CSMD1: variants seen among roughly 807,000 people sequenced by gnomAD.
The protein encoded by CSMD1 is CUB and sushi domain-containing protein 1.
In CSMD1, 213 loss-of-function variants were observed where a neutral mutation model predicts 417.5. The observed-to-expected ratio is 0.51, with a 90% CI of 0.46 to 0.57. CSMD1 has a LOEUF of 0.57. Ranked by LOEUF, CSMD1 falls within the 20% of genes least tolerant of loss-of-function variation. CSMD1 has a pLI of 0.00. For missense variants in CSMD1, 6,923 were observed against 4,529.7 expected, an observed-to-expected ratio of 1.53 and a Z score of -15.17; for synonymous variants, 2,862 against 1,736.8, an observed-to-expected ratio of 1.65 and a Z score of -16.11.
intron 5 of CSMD1, among the ~76,000 whole-genome samples, chr8:3,906,315 A>C (rs868528282): frequency 5.9e-4 from 90 of 152,174 alleles, no homozygotes; most frequent in African/African-American, 2.1e-3. Flanking sequence ...CCCATGAAAC[A>C]TCAATTTGGT....
chr8:3,806,724 G>C (rs1346655794), intron 5 of CSMD1, among the ~76,000 whole-genome samples: 1 of 152,054 alleles, frequency 6.6e-6, no homozygotes. Context: ...TTCCATTTTA[G>C]GTATGGAAAA....
chr8:3,863,078 G>T (rs1376215299), intron 5 of CSMD1, among the ~76,000 whole-genome samples: 3 of 152,222 alleles, frequency 2.0e-5, no homozygotes, highest in Non-Finnish European at 4.4e-5. Flanking sequence ...TGGAAGGAGA[G>T]GCAAGAGAGA....
intron 3 of CSMD1, among the ~76,000 whole-genome samples, chr8:4,177,119 G>A (rs182526937): frequency 6.6e-6 from 1 of 152,136 alleles, no homozygotes; most frequent in African/African-American, 2.4e-5. Context: ...CAAATCAACA[G>A]AATATACATG....
In CSMD1 at chr8:3,633,096, C is replaced by T. The variant is rs149584919; in HGVS notation, c.1010-16299G>A. Among the ~76,000 whole-genome samples the T allele has an allele frequency of 3.3e-3, 508 of 152,248 alleles. 1 individual carries two copies. The highest frequency in any genetic ancestry group is 0.011 in the African/African-American group (477 of 41,556). On this transcript the variant is annotated intron_variant, in intron 7 of 69. Coordinates refer to ENST00000635120, the MANE Select transcript of CSMD1 (RefSeq NM_033225.6). The stretch of plus-strand genomic sequence containing the variant: ...CACTAATTTATTAAATAGTTGCTGA[C>T]GTCATTGTTTTAACATTTATTTCTC...
chr8:4,453,554 G>C lies in CSMD1; in HGVS notation c.303-33489C>G, dbSNP rs78182377. On this transcript the variant is annotated intron_variant, in intron 2 of 69. Coordinates refer to ENST00000635120, the MANE Select transcript of CSMD1 (RefSeq NM_033225.6). ...GAGAACACAGCCGACAGAATAACTT[G>C]GGCCACATGACTGGCTTATATCGCT... 5.0e-3 allele frequency among the ~76,000 whole-genome samples: 754 copies of C among 152,240 alleles called. 5 individuals carry two copies. The highest frequency in any genetic ancestry group is 0.017 in the African/African-American group (719 of 41,536).
At chr8:3,291,752 T>C (rs1008117082) in intron 25 of CSMD1, among the ~76,000 whole-genome samples, 2 of 152,134 alleles carry the variant, frequency 1.3e-5, no homozygotes, top group Non-Finnish European at 2.9e-5. Flanking sequence ...GGTTTATCAG[T>C]TTTGTTGATC....
At chr8:3,805,161 C>G (rs751771874) in intron 5 of CSMD1, among the ~76,000 whole-genome samples, 1 of 152,130 alleles carries the variant, frequency 6.6e-6, no homozygotes, top group Non-Finnish European at 1.5e-5. Flanking sequence ...GCATCCCATT[C>G]AAAGAGACCA....
chr8:3,980,840 G>C (rs1265664226), intron 5 of CSMD1, among the ~76,000 whole-genome samples: 2 of 152,128 alleles, frequency 1.3e-5, no homozygotes, highest in African/African-American at 2.4e-5. Flanking sequence ...CCAGCAGTTG[G>C]CTACTTTGAA....
chr8:4,170,185 A>G (rs1797691818), intron 3 of CSMD1, among the ~76,000 whole-genome samples: 1 of 151,840 alleles, frequency 6.6e-6, no homozygotes, highest in South Asian at 2.1e-4. Flanking sequence ...GACCTTTCAC[A>G]GTCCACGCGT....
chr8:3,157,797 T>C (rs1279731423), intron 39 of CSMD1, 100 bp downstream of exon 39: 1 of 968,510 alleles, frequency 1.0e-6, no homozygotes, highest in Non-Finnish European at 1.6e-6. Flanking sequence ...TGTTTTGAAA[T>C]TAAGAAATTT....
At chr8:3,070,659 T>C (rs1452463345) in intron 49 of CSMD1, among the ~76,000 whole-genome samples, 2 of 152,202 alleles carry the variant, frequency 1.3e-5, no homozygotes, top group African/African-American at 4.8e-5. Flanking sequence ...ATTGTTTATA[T>C]CACCATTAGC....
chr8:3,860,857 A>G (rs1415317593), intron 5 of CSMD1, among the ~76,000 whole-genome samples: 1 of 152,242 alleles, frequency 6.6e-6, no homozygotes, highest in Non-Finnish European at 1.5e-5. Context: ...TACAATCATG[A>G]AAAGATCCAA....
intron 62 of CSMD1, among the ~76,000 whole-genome samples, chr8:2,958,866 C>T (rs1362492128): frequency 6.6e-6 from 1 of 152,146 alleles, no homozygotes; most frequent in African/African-American, 2.4e-5. Flanking sequence ...CCATACCTCC[C>T]ATGTTGGGAT....
chr8:3,930,546 T>C (rs1243089146), intron 5 of CSMD1, among the ~76,000 whole-genome samples: 1 of 150,332 alleles, frequency 6.7e-6, no homozygotes, highest in East Asian at 2.0e-4. Context: ...TCTAAGTTGC[T>C]AGCCAATCGG....
At chr8:3,664,619 C>A (rs2117476582) in intron 7 of CSMD1, among the ~76,000 whole-genome samples, 1 of 152,340 alleles carries the variant, frequency 6.6e-6, no homozygotes, top group East Asian at 1.9e-4. Context: ...TCTGTCTCCC[C>A]ACCATTTCAA....
At chr8:3,788,863 T>C (rs1389598059) in intron 5 of CSMD1, among the ~76,000 whole-genome samples, 1 of 152,168 alleles carries the variant, frequency 6.6e-6, no homozygotes, top group Non-Finnish European at 1.5e-5. Flanking sequence ...GAAATTATGA[T>C]CTCGCCCATT....
At chr8:3,308,270 G>C (rs1328492132) in intron 24 of CSMD1, 42 bp downstream of exon 24, 1 of 1,514,124 alleles carries the variant, frequency 6.6e-7, no homozygotes, top group African/African-American at 1.4e-5. Flanking sequence ...AGCACCCTAA[G>C]GCCTGGCTTT....
At chr8:4,641,398 C>T (rs1013636782) in intron 1 of CSMD1, among the ~76,000 whole-genome samples, 1 of 152,042 alleles carries the variant, frequency 6.6e-6, no homozygotes, top group East Asian at 1.9e-4. Context: ...TAGATAAGTC[C>T]TTAATACCAC....
intron 1 of CSMD1, among the ~76,000 whole-genome samples, chr8:4,713,697 A>G (rs983077891): frequency 6.6e-6 from 1 of 152,208 alleles, no homozygotes; most frequent in Non-Finnish European, 1.5e-5. Flanking sequence ...GCTGCTCGCC[A>G]CTGCCTCACG....
Sources: allele counts gnomAD v4.1 joint callset (sites outside exome capture counted in the v4.1 genomes callset), GRCh38; gene constraint gnomAD v4.1.1; transcripts MANE v1.5; gene names NCBI Gene and HGNC (gene_info 2026-07-23, HGNC 2026-07-21).